COPS3: variants seen among roughly 807,000 people sequenced by gnomAD.
COPS3 encodes COP9 signalosome complex subunit 3.
COPS3 carries 10 observed loss-of-function variants against 58.2 expected under a neutral mutation model. That is an observed-to-expected ratio of 0.17 (90% confidence interval 0.11 to 0.29). The LOEUF (loss-of-function observed/expected upper bound fraction) is 0.29, where lower values mean the gene tolerates loss of function less well. Among genes scored for constraint, COPS3 ranks in the 10% least tolerant of loss-of-function variants. COPS3 has a pLI of 1.00. For synonymous variants in COPS3, 187 were observed against 181.7 expected, an observed-to-expected ratio of 1.03 and a Z score of -0.24; for missense variants, 333 against 510.1, an observed-to-expected ratio of 0.65 and a Z score of 3.34.
At chr17:17,276,529 C>A (rs75929474) in intron 1 of COPS3, among the ~76,000 whole-genome samples, 3,203 of 152,112 alleles carry the variant, frequency 0.021, 45 homozygotes, top group Middle Eastern at 0.037. Context: ...TCTCCCCTCT[C>A]TGCCCTAATT....
intron 6 of COPS3, 104 bp downstream of exon 6, chr17:17,264,698 A>G: frequency 4.5e-6 from 4 of 882,744 alleles, no homozygotes; most frequent in Non-Finnish European, 7.0e-6. Context: ...CCAACACCTG[A>G]AACGGAGGCC....
intron 5 of COPS3, 110 bp from the exon 6 acceptor site, chr17:17,265,091 T>C (rs1227028633): frequency 1.1e-6 from 1 of 947,572 alleles, no homozygotes; most frequent in African/African-American, 1.7e-5. Flanking sequence ...AATTGTGTTT[T>C]ACATTTTATT....
Position 17,281,225 on chromosome 17 carries a change from C to G in COPS3, c.-39G>C, listed in dbSNP as rs762318385. ...CGGCCCGAGCGGCGAAGGCAGCACG[C>G]GCGGGAAAAGGCTGCCGCTCTGGGA... On this transcript the variant is annotated 5_prime_UTR_variant, in exon 1 of 12. Coordinates refer to ENST00000268717, the MANE Select transcript of COPS3 (RefSeq NM_003653.4). 5.0e-6 allele frequency: 8 copies of G among 1,593,716 alleles called. No homozygotes were observed. The South Asian group carries it at 9.0e-5, about 18-fold the overall frequency.
chr17:17,247,603 G>A, intron 10 of COPS3, 43 bp from the exon 11 acceptor site: 5 of 1,584,602 alleles, frequency 3.2e-6, no homozygotes, highest in Non-Finnish European at 4.3e-6. Flanking sequence ...GGCGGGTTTA[G>A]GTCAGCTGCA....
Position 17,247,467 on chromosome 17 carries a change from G to GA in COPS3, c.1218+12dup, listed in dbSNP as rs770838859. On this transcript the variant is annotated intron_variant, in intron 11 of 11. Transcript: ENST00000268717. Reference sequence around the variant, plus strand: ...ACCCAGCCTACTTCTTGTAATAAGGGAACCCTCATCACCTTTTGTACAAAC... The same window carrying GA: ...ACCCAGCCTACTTCTTGTAATAAGGGAAACCCTCATCACCTTTTGTACAAAC... 1 of 1,613,092 alleles carries GA rather than the reference G, an allele frequency of 6.2e-7. No homozygotes were observed. The highest frequency in any genetic ancestry group is 8.5e-7 in the Non-Finnish European group (1 of 1,179,178).
At chr17:17,249,091 A>G (rs1224810838) in intron 9 of COPS3, 52 bp from the exon 10 acceptor site, 5 of 924,918 alleles carry the variant, frequency 5.4e-6, no homozygotes, top group Non-Finnish European at 8.6e-6. Context: ...CCTGAATGCT[A>G]TATGAATAGT....
intron 6 of COPS3, among the ~76,000 whole-genome samples, chr17:17,263,519 T>TC (rs2048155483): frequency 1.4e-5 from 2 of 140,234 alleles, no homozygotes; most frequent in African/African-American, 5.2e-5. Flanking sequence ...TCTTTTTTTT[T>TC]TTTTTTTTTT....
At chr17:17,272,968 C>A (rs185439541) in intron 2 of COPS3, among the ~76,000 whole-genome samples, 44 of 152,298 alleles carry the variant, frequency 2.9e-4, no homozygotes, top group African/African-American at 1.1e-3. Flanking sequence ...CAAATTTAAG[C>A]TATTTAAGAC....
chr17:17,266,358 TA>T (rs1056421534), intron 5 of COPS3, among the ~76,000 whole-genome samples: 1 of 152,218 alleles, frequency 6.6e-6, no homozygotes, highest in Non-Finnish European at 1.5e-5. Flanking sequence ...TTTATGTCCA[TA>T]AAAAGTTTTT....
chr17:17,264,775 A>G (rs1567855320), intron 6 of COPS3, 27 bp downstream of exon 6: 1 of 1,586,580 alleles, frequency 6.3e-7, no homozygotes. Context: ...GTTCAGAACA[A>G]CCTCAGCTAA....
intron 9 of COPS3, among the ~76,000 whole-genome samples, chr17:17,249,880 G>A (rs991678408): frequency 1.6e-4 from 25 of 152,096 alleles, no homozygotes; most frequent in Admixed American, 1.4e-3. Flanking sequence ...TACCTGCCTC[G>A]GCCTCCCAAA....
intron 7 of COPS3, 117 bp downstream of exon 7, chr17:17,261,849 T>C: frequency 1.2e-6 from 1 of 811,566 alleles, no homozygotes; most frequent in Non-Finnish European, 2.0e-6. Context: ...TCTGCTCACC[T>C]GAAGCTGCTA....
chr17:17,271,107 TA>T (rs1246703254), intron 2 of COPS3, 99 bp from the exon 3 acceptor site: 1 of 823,426 alleles, frequency 1.2e-6, no homozygotes, highest in Non-Finnish European at 2.0e-6. Context: ...CAATACTCTG[TA>T]AAATTAAATG....
chr17:17,273,625 C>T (rs1217296410), intron 2 of COPS3, among the ~76,000 whole-genome samples: 2 of 152,010 alleles, frequency 1.3e-5, no homozygotes, highest in Admixed American at 6.6e-5. Flanking sequence ...CTGAGATGGG[C>T]AGATTGCTTG....
intron 10 of COPS3, among the ~76,000 whole-genome samples, chr17:17,248,708 G>A (rs1034673575): frequency 2.0e-5 from 3 of 152,146 alleles, no homozygotes; most frequent in Non-Finnish European, 4.4e-5. Context: ...CCAAGGTGGA[G>A]GACAGTGGCA....
intron 2 of COPS3, among the ~76,000 whole-genome samples, chr17:17,273,930 C>T (rs1032237134): frequency 4.6e-5 from 7 of 152,124 alleles, no homozygotes; most frequent in Non-Finnish European, 8.8e-5. Flanking sequence ...AGTGGGAGGA[C>T]TGCTTGAGCC....
At chr17:17,276,637 C>T (rs2048467236) in intron 1 of COPS3, among the ~76,000 whole-genome samples, 2 of 151,502 alleles carry the variant, frequency 1.3e-5, no homozygotes, top group Middle Eastern at 3.4e-3. Context: ...GGCGCAATCT[C>T]GGTTCACTAC....
intron 8 of COPS3, among the ~76,000 whole-genome samples, chr17:17,256,330 A>AT (rs1189338047): frequency 1.3e-5 from 2 of 152,142 alleles, no homozygotes; most frequent in Non-Finnish European, 2.9e-5. Context: ...TGAATTTTGT[A>AT]TTATAAATGT....
chr17:17,247,302 C>T (rs2047744970), intron 11 of COPS3, 151 bp from the exon 12 acceptor site: 18 of 952,294 alleles, frequency 1.9e-5, no homozygotes, highest in South Asian at 1.7e-4. Flanking sequence ...CTAAGCATCC[C>T]TAAGTGTACT....
Sources: gnomAD v4.1 joint callset for allele counts (sites outside exome capture counted in the v4.1 genomes callset) on GRCh38, gnomAD v4.1.1 for gene constraint, MANE v1.5 for transcripts, NCBI Gene and HGNC (gene_info 2026-07-23, HGNC 2026-07-21) for gene names.